PTPRD: variants seen among roughly 807,000 people sequenced by gnomAD.
PTPRD encodes the protein receptor-type tyrosine-protein phosphatase delta.
A neutral mutation model predicts 214.5 loss-of-function variants in PTPRD; 34 were observed. The ratio of observed to expected loss-of-function variants is 0.16; its 90% CI spans 0.12 to 0.21. The LOEUF (loss-of-function observed/expected upper bound fraction) is 0.21, where lower values mean the gene tolerates loss of function less well. Among genes scored for constraint, PTPRD ranks in the 10% least tolerant of loss-of-function variants. PTPRD has a pLI of 1.00. For synonymous variants in PTPRD, 1,128 were observed against 845.7 expected (o/e 1.33, Z -5.79); for missense variants, 2,545 against 2,398.7 (o/e 1.06, Z -1.27).
In PTPRD at chr9:10,215,342, G is replaced by C. The variant is rs142561302; in HGVS notation, c.-545+125621C>G. ...AATTAAATGATAAACTGAATGAATG[G>C]GTTAAACAATATATTAGACATTTTA... On this transcript the variant is annotated intron_variant, in intron 3 of 45. Coordinates refer to ENST00000381196, the MANE Select transcript of PTPRD (RefSeq NM_002839.4). Among the ~76,000 whole-genome samples the C allele has an allele frequency of 4.0e-3, 608 of 151,954 alleles. 2 individuals are homozygous for C. The highest frequency in any genetic ancestry group is 0.012 in the African/African-American group (513 of 41,480).
intron 6 of PTPRD, among the ~76,000 whole-genome samples, chr9:9,748,598 A>G (rs1007138212): frequency 6.6e-6 from 1 of 152,248 alleles, no homozygotes; most frequent in African/African-American, 2.4e-5. Context: ...CTGCTGAGGT[A>G]CTGAAGGAAC....
At chr9:9,232,655 CTTTTG>C (rs1424967203) in intron 9 of PTPRD, among the ~76,000 whole-genome samples, 3 of 152,000 alleles carry the variant, frequency 2.0e-5, no homozygotes, top group Admixed American at 6.6e-5. Context: ...TTCACACTGT[CTTTTG>C]TTTAGTTTTA....
intron 5 of PTPRD, among the ~76,000 whole-genome samples, chr9:9,769,925 C>T (rs1333259107): frequency 6.6e-6 from 1 of 152,088 alleles, no homozygotes; most frequent in African/African-American, 2.4e-5. Context: ...CATGTCCCTG[C>T]AAAGGACATG....
intron 5 of PTPRD, among the ~76,000 whole-genome samples, chr9:9,790,657 A>T (rs1260412443): frequency 6.6e-6 from 1 of 152,236 alleles, no homozygotes; most frequent in Non-Finnish European, 1.5e-5. Flanking sequence ...ACAAGGACTT[A>T]ATGTATATCA....
At chr9:9,558,062 G>A (rs1348929172) in intron 8 of PTPRD, among the ~76,000 whole-genome samples, 2 of 152,078 alleles carry the variant, frequency 1.3e-5, no homozygotes, top group Non-Finnish European at 2.9e-5. Flanking sequence ...CTCTGAGCAC[G>A]AGTAAGCTGA....
intron 11 of PTPRD, among the ~76,000 whole-genome samples, chr9:8,938,397 G>A (rs2099011257): frequency 6.6e-6 from 1 of 152,124 alleles, no homozygotes; most frequent in Non-Finnish European, 1.5e-5. Flanking sequence ...TAATGTAAGA[G>A]ATGTGACATA....
At chr9:9,421,797 C>G (rs1296297084) in intron 8 of PTPRD, among the ~76,000 whole-genome samples, 1 of 152,022 alleles carries the variant, frequency 6.6e-6, no homozygotes, top group Non-Finnish European at 1.5e-5. Context: ...TCTCAGCAGT[C>G]CTGGCACATT....
At position 8,500,857 on chromosome 9, in the gene PTPRD, T is replaced by C. The variant is rs2097388149; in HGVS notation, c.2025A>G (p.Glu675=). 1 of 1,614,166 alleles carries C rather than the reference T, an allele frequency of 6.2e-7. No individual in the cohort carries two copies. Among genetic ancestry groups the C allele is most frequent in the Non-Finnish European group, 8.5e-7 (1 of 1,180,000 alleles). The change falls in exon 24 of 46, where the codon GAA becomes GAG. Residue 675 remains glutamate, a synonymous_variant. Transcript: ENST00000381196. ...IPSDTTKYLL[E]QLEKWTEYRI... is the part of the protein sequence containing the mutation. ...GGTATTCAGTCCATTTTTCCAGCTGTTCCAAAAGGTATTTGGTAGTGTCCG... is the reference window on the plus strand; with the variant it reads ...GGTATTCAGTCCATTTTTCCAGCTGCTCCAAAAGGTATTTGGTAGTGTCCG...
In PTPRD at chr9:8,820,857, T is replaced by G. The variant is rs369777612; in HGVS notation, c.-103-86911A>C. The stretch of plus-strand genomic sequence containing the variant: ...CTTTACAATTGCTTAATGGTGAAAG[T>G]TCTTTTCTACTCCCTACACGACAAG... On this transcript the variant is annotated intron_variant, in intron 11 of 45. Transcript: ENST00000381196. 8.5e-4 allele frequency among the ~76,000 whole-genome samples: 128 copies of G among 150,670 alleles called. 2 individuals carry two copies. The South Asian group carries it at 0.023, about 27-fold the overall frequency.
chr9:10,246,786 C>T (rs1031423626), intron 3 of PTPRD, among the ~76,000 whole-genome samples: 1 of 151,270 alleles, frequency 6.6e-6, no homozygotes, highest in Non-Finnish European at 1.5e-5. Flanking sequence ...TTTAACTACT[C>T]GAGAGGCTGA....
chr9:10,178,491 T>C (rs1324772134), intron 3 of PTPRD, among the ~76,000 whole-genome samples: 2 of 151,934 alleles, frequency 1.3e-5, no homozygotes, highest in Non-Finnish European at 2.9e-5. Context: ...TTGAACGCCT[T>C]CCAGGTGATA....
At chr9:8,964,704 T>G (rs956353321) in intron 11 of PTPRD, among the ~76,000 whole-genome samples, 1 of 152,128 alleles carries the variant, frequency 6.6e-6, no homozygotes, top group Non-Finnish European at 1.5e-5. Flanking sequence ...CTATAAACTT[T>G]CCTCTTACCA....
chr9:10,104,070 G>T (rs992068314), intron 3 of PTPRD, among the ~76,000 whole-genome samples: 5 of 151,636 alleles, frequency 3.3e-5, no homozygotes, highest in African/African-American at 1.2e-4. Flanking sequence ...AGTCACAAAA[G>T]GACAAATACT....
intron 3 of PTPRD, among the ~76,000 whole-genome samples, chr9:10,295,761 G>A (rs1342974718): frequency 4.6e-5 from 7 of 152,056 alleles, no homozygotes; most frequent in African/African-American, 7.2e-5. Context: ...ACCCTTACCC[G>A]GGTGGGTCCA....
chr9:9,031,001 G>A lies in PTPRD; in HGVS notation c.-142-12266C>T, dbSNP rs527898902. On this transcript the variant is annotated intron_variant, in intron 10 of 45. Transcript: ENST00000381196. The stretch of plus-strand genomic sequence containing the variant: ...GGTAGATGGCTGAGTCTGATATAAT[G>A]GTGGGACATCAAGGAGTGAACGTAC... 7.9e-5 allele frequency among the ~76,000 whole-genome samples: 12 copies of A among 151,988 alleles called. No individual in the cohort carries two copies. The South Asian group carries it at 2.5e-3, about 32-fold the overall frequency.
At chr9:9,268,807 CAA>C (rs66741804) in intron 9 of PTPRD, among the ~76,000 whole-genome samples, 94 of 109,984 alleles carry the variant, frequency 8.5e-4, no homozygotes, top group Admixed American at 1.3e-3. Context: ...TATCCACAAG[CAA>C]AAAAAAAAAA....
intron 7 of PTPRD, among the ~76,000 whole-genome samples, chr9:9,717,108 A>AT: frequency 6.6e-6 from 1 of 152,144 alleles, no homozygotes; most frequent in South Asian, 2.1e-4. Context: ...TAAATAGGGA[A>AT]TCCTTTCCCC....
At chr9:9,578,640 A>G (rs1428933750) in intron 7 of PTPRD, among the ~76,000 whole-genome samples, 1 of 152,146 alleles carries the variant, frequency 6.6e-6, no homozygotes, top group Non-Finnish European at 1.5e-5. Flanking sequence ...TTAATCAGCA[A>G]TAAATAGTAC....
chr9:8,749,937 C>A (rs941349505), intron 11 of PTPRD, among the ~76,000 whole-genome samples: 8 of 151,774 alleles, frequency 5.3e-5, no homozygotes, highest in Non-Finnish European at 1.2e-4. Context: ...CCCCATCTCT[C>A]CTAAAAATAC....
Sources: gnomAD v4.1 joint callset for allele counts (sites outside exome capture counted in the v4.1 genomes callset) on GRCh38, gnomAD v4.1.1 for gene constraint, MANE v1.5 for transcripts, NCBI Gene and HGNC (gene_info 2026-07-23, HGNC 2026-07-21) for gene names.